CEP350: variants seen among roughly 807,000 people sequenced by gnomAD.
CEP350 encodes the protein centrosomal protein 350.
Under a neutral mutation model 331.8 loss-of-function variants are expected in CEP350, and 126 were observed. The ratio of observed to expected loss-of-function variants is 0.38; its 90% confidence interval spans 0.33 to 0.44. CEP350 has a LOEUF of 0.44. Ranked by LOEUF, CEP350 falls within the 20% of genes least tolerant of loss-of-function variation. The probability of loss-of-function intolerance (pLI) is 1.00; values close to 1 mark genes in which losing one functional copy is unlikely to be tolerated. For missense variants in CEP350, 3,406 were observed against 3,634.6 expected (o/e 0.94, Z 1.62); for synonymous variants, 1,200 against 1,259.5 (o/e 0.95, Z 1.00).
At chr1:180,066,067 G>T (rs1305294709) in intron 27 of CEP350, among the ~76,000 whole-genome samples, 1 of 152,054 alleles carries the variant, frequency 6.6e-6, no homozygotes, top group East Asian at 1.9e-4. Flanking sequence ...TGATTTGAAA[G>T]TCTTAACATT....
At chr1:180,012,880 A>AT in intron 9 of CEP350, among the ~76,000 whole-genome samples, 1 of 152,132 alleles carries the variant, frequency 6.6e-6, no homozygotes, top group East Asian at 1.9e-4. Context: ...TGATAAAATT[A>AT]TTTTTTTTCT....
At chr1:180,006,130 G>A (rs1236246291) in intron 7 of CEP350, among the ~76,000 whole-genome samples, 1 of 152,118 alleles carries the variant, frequency 6.6e-6, no homozygotes, top group East Asian at 1.9e-4. Flanking sequence ...TCACCTCTGA[G>A]ATCCTATAAA....
rs139352498 is a variant in CEP350, at chr1:180,075,169, A to G, written c.5715A>G (p.Ile1905Met). ...TGGCTGCCTGGGACAAAGAATTAAT[A>G]AAACCCAAAACTCCTAAGAAAGAAC... ...QALAAWDKEL[I>M]KPKTPKKELE... Residue 1905 changes from isoleucine to methionine, a missense_variant, in exon 28 of 38, where the codon ATA (isoleucine) becomes ATG (methionine). Around this residue, in one of 5 missense-constraint regions of CEP350, gnomAD observed 1,415 missense variants for 1,512.3 expected, o/e 0.94. Transcript: ENST00000367607. 9,395 of 1,613,500 alleles carry G rather than the reference A, an allele frequency of 5.8e-3. 49 individuals carry two copies. The highest frequency in any genetic ancestry group is 0.013 in the Middle Eastern group (80 of 6,062).
At chr1:180,078,333 A>G (rs1659361242) in intron 28 of CEP350, 130 bp from the exon 29 acceptor site, 2 of 643,878 alleles carry the variant, frequency 3.1e-6, no homozygotes, top group South Asian at 1.9e-5. Flanking sequence ...TGTGGAAGCT[A>G]TGACTCTCCT....
rs1222549958 is a variant in CEP350 at position 179,997,074 on chromosome 1, T to C, written c.917T>C (p.Leu306Pro). 2 of 1,614,046 alleles carry C rather than the reference T, an allele frequency of 1.2e-6. No homozygotes were observed. Among genetic ancestry groups the C allele is most frequent in the African/African-American group, 1.3e-5 (1 of 75,060 alleles). The change falls in exon 6 of 38, where the codon CTG (leucine) becomes CCG (proline). Residue 306 changes from leucine (L) to proline (P), a missense_variant. Physicochemically the swap from Leu to Pro is moderately conservative, Grantham distance 98 (BLOSUM62 -3). This residue lies in a region of CEP350 where 1,857 missense variants were observed against 1,909.2 expected (regional missense o/e 0.97). Coordinates refer to ENST00000367607, the MANE Select transcript of CEP350 (RefSeq NM_014810.5). Reference sequence around the variant, plus strand: ...GAAACAAATGGCCGGGGCCAGAAGCTGGGTCATATTGACCATCCAGTAATG... The same window carrying C: ...GAAACAAATGGCCGGGGCCAGAAGCCGGGTCATATTGACCATCCAGTAATG... ...SEETNGRGQK[L>P]GHIDHPVMVV...
chr1:179,990,487 T>C lies in CEP350; in HGVS notation c.121-20T>C, dbSNP rs907878331. 23 of 1,269,200 alleles carry C rather than the reference T, an allele frequency of 1.8e-5. No individual in the cohort carries two copies. Among genetic ancestry groups the C allele is most frequent in the African/African-American group, 2.9e-5 (2 of 67,854 alleles). The allele number at this position is 1,269,200 out of a possible 1,614,324, so 78.6% of individuals were successfully genotyped here. On this transcript the variant is annotated intron_variant, in intron 3 of 37. Transcript: ENST00000367607. Reference sequence around the variant, plus strand: ...ATTTACAGAATTAACTTATGTCTTATGATGGTGTTTAAACTTTAGCTGAGA... The same window carrying C: ...ATTTACAGAATTAACTTATGTCTTACGATGGTGTTTAAACTTTAGCTGAGA...
intron 11 of CEP350, among the ~76,000 whole-genome samples, chr1:180,019,441 T>C (rs1392565230): frequency 6.6e-6 from 1 of 152,224 alleles, no homozygotes; most frequent in Non-Finnish European, 1.5e-5. Context: ...ATTTAGCATG[T>C]ACATTGTTAA....
chr1:180,050,762 T>C (rs2148958912), intron 22 of CEP350, among the ~76,000 whole-genome samples: 2 of 150,928 alleles, frequency 1.3e-5, no homozygotes, highest in Middle Eastern at 7.0e-3. Flanking sequence ...AGATACTTCA[T>C]TGAAGAAAAT....
intron 11 of CEP350, among the ~76,000 whole-genome samples, chr1:180,019,124 T>G (rs942282477): frequency 2.6e-5 from 4 of 152,220 alleles, no homozygotes; most frequent in Non-Finnish European, 5.9e-5. Context: ...CCCAAAGTGC[T>G]GGGATTACAG....
At chr1:180,055,935 G>A (rs531338566) in intron 25 of CEP350, among the ~76,000 whole-genome samples, 1 of 152,060 alleles carries the variant, frequency 6.6e-6, no homozygotes, top group South Asian at 2.1e-4. Flanking sequence ...GTTAAAATAA[G>A]TAAATAACTT....
chr1:180,010,404 CTT>C (rs60408983), intron 8 of CEP350, among the ~76,000 whole-genome samples: 5,915 of 119,776 alleles, frequency 0.049, 354 homozygotes, highest in African/African-American at 0.16. Context: ...CCCATGTTTG[CTT>C]TTTTTTTTTT....
Position 180,092,569 on chromosome 1 carries a change from T to C in CEP350, c.6509-45T>C, listed in dbSNP as rs145650514. 8.8e-4 allele frequency: 1,210 copies of C among 1,381,692 alleles called. 13 individuals are homozygous for C. The African/African-American group carries it at 0.016, about 18-fold the overall frequency. 85.6% of individuals were successfully genotyped at this position (1,381,692 alleles called of 1,614,324 possible). A position where few individuals can be genotyped will look rare whatever the true frequency, so the allele number is the denominator to read the frequency against. ...AACTTTGGTTCACAAAATTGAAAGATAGTGATTAAATAATTTTGATGTGGT... is the reference window on the plus strand; with the variant it reads ...AACTTTGGTTCACAAAATTGAAAGACAGTGATTAAATAATTTTGATGTGGT... On this transcript the variant is annotated intron_variant, in intron 33 of 37. Coordinates refer to ENST00000367607, the MANE Select transcript of CEP350 (RefSeq NM_014810.5).
At position 180,062,377 on chromosome 1, in the gene CEP350, T is replaced by C. The variant is rs370396017; in HGVS notation, c.5409+11T>C. ...GGGGAGAGTAAATTGGTAAACTACA[T>C]GAAGTTATTATTTGTTTCCTGTCTT... On this transcript the variant is annotated intron_variant, in intron 26 of 37. Coordinates refer to ENST00000367607, the MANE Select transcript of CEP350 (RefSeq NM_014810.5). The C allele has an allele frequency of 6.3e-6, 10 of 1,581,986 alleles. No individual in the cohort carries two copies. The highest frequency in any genetic ancestry group is 8.6e-6 in the Non-Finnish European group (10 of 1,164,692).
chr1:180,020,525 T>G lies in CEP350; in HGVS notation c.2751T>G (p.Ser917Arg). 1 of 1,613,972 alleles carries G rather than the reference T, an allele frequency of 6.2e-7. No homozygotes were observed. The highest frequency in any genetic ancestry group is 2.2e-5 in the East Asian group (1 of 44,886). Reference sequence around the variant, plus strand: ...ATCTTCCTGGTGTAGGCAATCTTAGTGAATTTAAAAAGCTTCCTGAGATGA... The same window carrying G: ...ATCTTCCTGGTGTAGGCAATCTTAGGGAATTTAAAAAGCTTCCTGAGATGA... ...DDDLPGVGNL[S>R]EFKKLPEMIR... Residue 917 changes from serine to arginine, a missense_variant, in exon 12 of 38, where the codon AGT becomes AGG. Transcript: ENST00000367607.
At chr1:179,964,959 GTTC>G (rs1268851206) in intron 1 of CEP350, among the ~76,000 whole-genome samples, 1 of 151,202 alleles carries the variant, frequency 6.6e-6, no homozygotes, top group Non-Finnish European at 1.5e-5. Flanking sequence ...GGTTTAGTTT[GTTC>G]TTTTTCTGGT....
chr1:180,091,825 T>C (rs1254226699), intron 33 of CEP350, among the ~76,000 whole-genome samples: 2 of 144,598 alleles, frequency 1.4e-5, no homozygotes, highest in East Asian at 2.0e-4. Flanking sequence ...TGAGACACTA[T>C]CTCAAAAAAA....
intron 31 of CEP350, 130 bp from the exon 32 acceptor site, chr1:180,087,448 C>T: frequency 1.3e-6 from 1 of 758,234 alleles, no homozygotes; most frequent in Non-Finnish European, 2.0e-6. Flanking sequence ...CTGAGGGGGG[C>T]AGGGAGGGAG....
chr1:179,973,733 A>C (rs1651630364), intron 1 of CEP350, among the ~76,000 whole-genome samples: 1 of 152,122 alleles, frequency 6.6e-6, no homozygotes, highest in Non-Finnish European at 1.5e-5. Flanking sequence ...TGTTCCTTGT[A>C]GTTTATTTTA....
At chr1:180,014,641 A>G (rs992429188) in intron 10 of CEP350, 136 bp downstream of exon 10, 32 of 817,924 alleles carry the variant, frequency 3.9e-5, no homozygotes, top group Non-Finnish European at 5.5e-6. Context: ...CATGAAATAT[A>G]TTAAATATGA....
Sources: gnomAD v4.1 joint callset for allele counts (sites outside exome capture counted in the v4.1 genomes callset) on GRCh38, gnomAD v4.1.1 for gene constraint, gnomAD v4.1.1 regional missense constraint, MANE v1.5 for transcripts, NCBI Gene and HGNC (gene_info 2026-07-23, HGNC 2026-07-21) for gene names.